TMEM245: variants seen among roughly 807,000 people sequenced by gnomAD.
TMEM245 encodes transmembrane protein 245, also known as protein CG-2.
In TMEM245, 69 loss-of-function variants were observed where a neutral mutation model predicts 101.2. The observed-to-expected ratio is 0.68, with a 90% CI of 0.56 to 0.83. The LOEUF (loss-of-function observed/expected upper bound fraction) is 0.83. Ranked by LOEUF, TMEM245 falls within the 40% of genes least tolerant of loss-of-function variation. The pLI is 0.00. For synonymous variants in TMEM245, 537 were observed against 449.8 expected, an observed-to-expected ratio of 1.19 and a Z score of -2.45; for missense variants, 1,075 against 1,092.8, an observed-to-expected ratio of 0.98 and a Z score of 0.23.
intron 14 of TMEM245, among the ~76,000 whole-genome samples, chr9:109,041,635 A>G (rs1003216622): frequency 4.0e-5 from 6 of 151,588 alleles, no homozygotes; most frequent in Non-Finnish European, 7.4e-5. Context: ...GTTAGGATGC[A>G]TAAGTTCAGT....
chr9:109,057,048 T>C (rs1828859673), intron 12 of TMEM245, 143 bp downstream of exon 12: 1 of 868,090 alleles, frequency 1.2e-6, no homozygotes, highest in Non-Finnish European at 1.7e-6. Flanking sequence ...AACATCATCC[T>C]AGTGCATTTA....
At chr9:109,111,450 T>G (rs1830564777) in intron 1 of TMEM245, among the ~76,000 whole-genome samples, 1 of 152,096 alleles carries the variant, frequency 6.6e-6, no homozygotes, top group South Asian at 2.1e-4. Flanking sequence ...AGAGAAAAAA[T>G]AAGAGACTGC....
intron 1 of TMEM245, among the ~76,000 whole-genome samples, chr9:109,119,129 G>A (rs148711729): frequency 2.0e-5 from 3 of 152,226 alleles, no homozygotes; most frequent in Non-Finnish European, 4.4e-5. Flanking sequence ...GAAAAGCAGG[G>A]AGGCTGTTTC....
In TMEM245 at chr9:109,093,518, C is replaced by T; in HGVS notation, c.873G>A (p.Gly291=). ...GCTGGTCTTCACTGCTTGATTCATACCCTGTGATAGAGATGGCCAAGTTTG... is the reference window on the plus strand; with the variant it reads ...GCTGGTCTTCACTGCTTGATTCATATCCTGTGATAGAGATGGCCAAGTTTG... ...TLANLAISIT[G]YESSSEDQPS... is the part of the protein sequence containing the mutation. The change falls in exon 4 of 18, where the codon GGG becomes GGA. Residue 291 remains glycine (G), a synonymous_variant. Coordinates refer to ENST00000374586, the MANE Select transcript of TMEM245 (RefSeq NM_032012.4). 2 of 1,614,090 alleles carry T rather than the reference C, an allele frequency of 1.2e-6. No homozygotes were observed. Among genetic ancestry groups the T allele is most frequent in the Non-Finnish European group, 1.7e-6 (2 of 1,179,998 alleles).
intron 3 of TMEM245, among the ~76,000 whole-genome samples, chr9:109,103,010 C>A (rs1018332188): frequency 1.3e-5 from 2 of 152,202 alleles, no homozygotes; most frequent in Non-Finnish European, 2.9e-5. Context: ...CTACCTTTAA[C>A]AAACTATTTG....
At position 109,095,871 on chromosome 9, in the gene TMEM245, A is replaced by G. The variant is rs116592289; in HGVS notation, c.800-2280T>C. Among the ~76,000 whole-genome samples the G allele has an allele frequency of 5.5e-3, 841 of 152,216 alleles. 8 individuals carry two copies. The highest frequency in any genetic ancestry group is 0.02 in the African/African-American group (813 of 41,520). On this transcript the variant is annotated intron_variant, in intron 3 of 17. Transcript: ENST00000374586. ...ATAAATAATCCATTTGAGATATAAGACCATTCTTGCTTGTCTGGAGAAAAA... is the reference window on the plus strand; with the variant it reads ...ATAAATAATCCATTTGAGATATAAGGCCATTCTTGCTTGTCTGGAGAAAAA...
chr9:109,075,743 T>C (rs1829479432), intron 8 of TMEM245, among the ~76,000 whole-genome samples: 1 of 152,230 alleles, frequency 6.6e-6, no homozygotes, highest in Non-Finnish European at 1.5e-5. Context: ...TTTTTCTTCA[T>C]CAGTCTGGCT....
intron 12 of TMEM245, 139 bp downstream of exon 12, chr9:109,057,052 G>T: frequency 1.1e-6 from 1 of 897,652 alleles, no homozygotes; most frequent in Non-Finnish European, 1.6e-6. Context: ...TCATCCTAGT[G>T]CATTTAGAGT....
intron 12 of TMEM245, among the ~76,000 whole-genome samples, chr9:109,056,489 G>A (rs1028215872): frequency 6.9e-5 from 10 of 145,926 alleles, no homozygotes; most frequent in Middle Eastern, 3.3e-3. Context: ...GGTGGGGCAT[G>A]CCCGTAATCC....
intron 8 of TMEM245, among the ~76,000 whole-genome samples, chr9:109,074,317 T>A (rs1829428649): frequency 6.6e-6 from 1 of 152,060 alleles, no homozygotes; most frequent in African/African-American, 2.4e-5. Context: ...GAAAGAAACA[T>A]AATCTGATAC....
At chr9:109,027,469 G>A (rs1434631680) in intron 17 of TMEM245, among the ~76,000 whole-genome samples, 1 of 152,178 alleles carries the variant, frequency 6.6e-6, no homozygotes, top group Non-Finnish European at 1.5e-5. Context: ...AGGCTGTCCA[G>A]ACCTTTTCCT....
At chr9:109,050,738 A>G in intron 12 of TMEM245, 46 bp from the exon 13 acceptor site, 1 of 1,609,432 alleles carries the variant, frequency 6.2e-7, no homozygotes, top group South Asian at 1.1e-5. Context: ...CCTCATGAAA[A>G]AAGTTTCTAG....
chr9:109,119,474 C>G lies in TMEM245; in HGVS notation c.440G>C (p.Arg147Pro). Residue 147 changes from arginine to proline, a missense_variant, in exon 1 of 18, where the codon CGC becomes CCC. Around this residue, in one of 2 missense-constraint regions of TMEM245, gnomAD observed 808 missense variants for 741.5 expected, o/e 1.09. Transcript: ENST00000374586. Reference sequence around the variant, plus strand: ...GCCGGCGCCGAGCAGCAGGAGCAGGCGGCGGCGGCGCAGCGCCTGCTCGCC... The same window carrying G: ...GCCGGCGCCGAGCAGCAGGAGCAGGGGGCGGCGGCGCAGCGCCTGCTCGCC... Reference protein sequence around the residue: ...ALGEQALRRRRLLLLLGAGGP... With the variant: ...ALGEQALRRRPLLLLLGAGGP... The G allele has an allele frequency of 1.3e-6, 2 of 1,484,162 alleles. No individual in the cohort carries two copies. The highest frequency in any genetic ancestry group is 2.7e-5 in the East Asian group (1 of 37,012). 91.9% of individuals were successfully genotyped at this position (1,484,162 alleles called of 1,614,324 possible).
At chr9:109,107,382 G>A (rs1830456649) in intron 2 of TMEM245, among the ~76,000 whole-genome samples, 1 of 148,648 alleles carries the variant, frequency 6.7e-6, no homozygotes, top group South Asian at 2.2e-4. Context: ...CTGGGCGATG[G>A]AGTGAGACTC....
intron 12 of TMEM245, among the ~76,000 whole-genome samples, chr9:109,053,277 A>T (rs1020752977): frequency 6.6e-6 from 1 of 152,144 alleles, no homozygotes; most frequent in African/African-American, 2.4e-5. Flanking sequence ...ATACAAAAAA[A>T]TTAGCTGAAT....
intron 7 of TMEM245, among the ~76,000 whole-genome samples, chr9:109,085,577 A>AC (rs1209708417): frequency 6.6e-6 from 1 of 152,278 alleles, no homozygotes; most frequent in Admixed American, 6.5e-5. Flanking sequence ...AATATTTCAC[A>AC]GATTTGTCTT....
chr9:109,060,463 A>G lies in TMEM245; in HGVS notation c.1624-11T>C, dbSNP rs1195718191. The G allele has an allele frequency of 1.3e-6, 2 of 1,577,350 alleles. No homozygotes were observed. Among genetic ancestry groups the G allele is most frequent in the Non-Finnish European group, 8.7e-7 (1 of 1,148,622 alleles). On this transcript the variant is annotated splice_polypyrimidine_tract_variant and intron_variant, in intron 10 of 17. Coordinates refer to ENST00000374586, the MANE Select transcript of TMEM245 (RefSeq NM_032012.4). The stretch of plus-strand genomic sequence containing the variant: ...TAGAATTTTATGGAGCTAGAAAAAA[A>G]CACAGATACGACGTGGTACAATATT...
chr9:109,031,192 T>C (rs1827935172), intron 17 of TMEM245, among the ~76,000 whole-genome samples: 1 of 152,250 alleles, frequency 6.6e-6, no homozygotes, highest in African/African-American at 2.4e-5. Flanking sequence ...ACCAGATGTA[T>C]AACCAGACAT....
chr9:109,102,058 G>A (rs546093924), intron 3 of TMEM245, among the ~76,000 whole-genome samples: 1 of 152,298 alleles, frequency 6.6e-6, no homozygotes, highest in African/African-American at 2.4e-5. Flanking sequence ...AGAACTGTCT[G>A]AGTCACTTGC....
Sources: allele counts gnomAD v4.1 joint callset (sites outside exome capture counted in the v4.1 genomes callset), GRCh38; gene constraint gnomAD v4.1.1; regional missense constraint gnomAD v4.1.1; transcripts MANE v1.5; gene names NCBI Gene and HGNC (gene_info 2026-07-23, HGNC 2026-07-21).